The following ZFHX4 variants were observed in gnomAD, a reference collection of about 807,000 sequenced individuals.
ZFHX4 encodes zinc finger homeobox 4.
Under a neutral mutation model 267.6 loss-of-function variants are expected in ZFHX4, and 56 were observed. The ratio of observed to expected loss-of-function variants is 0.21; its 90% CI spans 0.17 to 0.26. The LOEUF is 0.26. ZFHX4 is among the 10% of genes least tolerant of loss of function. The probability of loss-of-function intolerance (pLI) is 1.00; values close to 1 mark genes in which losing one functional copy is unlikely to be tolerated. For missense variants in ZFHX4, 4,332 were observed against 4,420.0 expected (o/e 0.98, Z 0.56); for synonymous variants, 1,778 against 1,665.6 (o/e 1.07, Z -1.64).
Position 76,780,483 on chromosome 8 carries a change from C to T in ZFHX4, c.3325+2044C>T, listed in dbSNP as rs142175982. 5.2e-3 allele frequency among the ~76,000 whole-genome samples: 785 copies of T among 152,186 alleles called. 5 individuals carry two copies. Among genetic ancestry groups the T allele is most frequent in the African/African-American group, 0.014 (582 of 41,536 alleles). On this transcript the variant is annotated intron_variant, in intron 4 of 10. Transcript: ENST00000651372. ...AGGATGATGTTTTAATAACCTATGC[C>T]ATATCTTTTATAAGTCCCTTGCTAA... is the stretch of plus-strand genomic sequence containing the variant.
At chr8:76,835,227 A>ATATATATATGTATATATATGTG (rs1812045558) in intron 5 of ZFHX4, among the ~76,000 whole-genome samples, 1 of 59,086 alleles carries the variant, frequency 1.7e-5, no homozygotes, top group Non-Finnish European at 3.3e-5. Context: ...ATGTATATAT[A>ATATATATATGTATATATATGTG]TATATATATA....
intron 3 of ZFHX4, among the ~76,000 whole-genome samples, chr8:76,758,277 G>A (rs1809816373): frequency 6.6e-6 from 1 of 152,122 alleles, no homozygotes; most frequent in East Asian, 1.9e-4. Flanking sequence ...ACTTTCAATT[G>A]TAGCTCTGAA....
chr8:76,780,418 A>G (rs1461106395), intron 4 of ZFHX4, among the ~76,000 whole-genome samples: 2 of 152,186 alleles, frequency 1.3e-5, no homozygotes, highest in Admixed American at 6.5e-5. Flanking sequence ...AACTCATTTG[A>G]TAAACCAAAT....
At chr8:76,824,665 T>G (rs934413323) in intron 4 of ZFHX4, among the ~76,000 whole-genome samples, 3 of 152,152 alleles carry the variant, frequency 2.0e-5, no homozygotes, top group African/African-American at 7.2e-5. Context: ...CTCAAACTCC[T>G]GGGCTCAACC....
In ZFHX4 at chr8:76,704,962, T is replaced by G; in HGVS notation, c.874T>G (p.Ser292Ala). 1.2e-6 allele frequency: 2 copies of G among 1,614,028 alleles called. No individual in the cohort carries two copies. The highest frequency in any genetic ancestry group is 1.7e-6 in the Non-Finnish European group (2 of 1,179,894). The change falls in exon 2 of 11, where the codon TCA becomes GCA. Residue 292 changes from serine (S) to alanine (A), a missense_variant. Physicochemically the swap from Ser to Ala is moderately conservative, Grantham distance 99 (BLOSUM62 1). This residue lies in a region of ZFHX4 where 1,195 missense variants were observed against 1,173.6 expected (regional missense o/e 1.02). Transcript: ENST00000651372. ...CAAGTTGTCTTTTGGTTATATCAGG[T>G]CATTTGTAACCCATGCTGTGCATGA... Reference protein sequence around the residue: ...LCKLSFGYIRSFVTHAVHDHR... With the variant: ...LCKLSFGYIRAFVTHAVHDHR...
In ZFHX4 at chr8:76,863,173, C is replaced by T. The variant is rs980755706; in HGVS notation, c.9459C>T (p.Ala3153=). The change falls in exon 11 of 11, where the codon GCC becomes GCT. Residue 3153 remains alanine, a synonymous_variant. Coordinates refer to ENST00000651372, the MANE Select transcript of ZFHX4 (RefSeq NM_024721.5). ...TSSPALSLSS[A]PTKPLLQTPP... is the part of the protein sequence containing the mutation. ...CTCCTGCCCTGTCTCTCAGCAGTGC[C>T]CCCACCAAACCTTTGCTGCAGACTC... 1.9e-6 allele frequency: 3 copies of T among 1,555,690 alleles called. No homozygotes were observed. The African/African-American group carries it at 4.1e-5, about 21-fold the overall frequency.
At chr8:76,693,465 AACATC>A (rs1246002865) in intron 1 of ZFHX4, 3 of 152,160 alleles carry the variant, frequency 2.0e-5, no homozygotes, top group Non-Finnish European at 4.4e-5. Context: ...ATTCCTGGGA[AACATC>A]ACATAACTAC....
In ZFHX4 at chr8:76,851,453, A is replaced by G. The variant is rs770062381; in HGVS notation, c.4532A>G (p.Asp1511Gly). ...PVGSDSSSIP[D>G]DMGSEPKRTL... Reference sequence around the variant, plus strand: ...GGAAGTGATAGTAGCTCTATTCCAGATGACATGGGCTCTGAACCAAAGCGG... The same window carrying G: ...GGAAGTGATAGTAGCTCTATTCCAGGTGACATGGGCTCTGAACCAAAGCGG... The change falls in exon 10 of 11, where the codon GAT becomes GGT. Residue 1511 changes from aspartate (D) to glycine (G), a missense_variant. Around this residue, in one of 7 missense-constraint regions of ZFHX4, gnomAD observed 1,371 missense variants for 1,423.1 expected, o/e 0.96. Coordinates refer to ENST00000651372, the MANE Select transcript of ZFHX4 (RefSeq NM_024721.5). 2.5e-6 allele frequency: 4 copies of G among 1,613,770 alleles called. No individual in the cohort carries two copies. The highest frequency in any genetic ancestry group is 1.7e-5 in the Admixed American group (1 of 60,002).
intron 4 of ZFHX4, among the ~76,000 whole-genome samples, chr8:76,812,128 C>T (rs1181891094): frequency 6.6e-6 from 1 of 152,124 alleles, no homozygotes; most frequent in Admixed American, 6.5e-5. Flanking sequence ...AAGTAAAAAA[C>T]ATCTAGGGCA....
intron 4 of ZFHX4, among the ~76,000 whole-genome samples, chr8:76,829,961 AT>A (rs1296762308): frequency 6.6e-6 from 1 of 152,142 alleles, no homozygotes; most frequent in Non-Finnish European, 1.5e-5. Context: ...TAAATGCAGA[AT>A]CAAAAAAAGG....
At chr8:76,788,507 C>T (rs1212867945) in intron 4 of ZFHX4, among the ~76,000 whole-genome samples, 2 of 152,180 alleles carry the variant, frequency 1.3e-5, no homozygotes, top group African/African-American at 2.4e-5. Context: ...AAAAATATGT[C>T]TCCTGCTTCT....
chr8:76,855,782 C>T lies in ZFHX4; in HGVS notation c.8861C>T (p.Pro2954Leu). 2 of 1,613,938 alleles carry T rather than the reference C, an allele frequency of 1.2e-6. No individual in the cohort carries two copies. ...GCTTGCTTTAGTGACTACCGAACTC[C>T]AACCATGCAAGAATGTGAAATGTTA... ...LKACFSDYRT[P>L]TMQECEMLGN... The change falls in exon 10 of 11, where the codon CCA (proline) becomes CTA (leucine). Residue 2954 changes from proline (P) to leucine (L), a missense_variant. Physicochemically the swap from Pro to Leu is moderately conservative, Grantham distance 98 (BLOSUM62 -3). This residue lies in a region of ZFHX4 where 1,648 missense variants were observed against 1,625.0 expected (regional missense o/e 1.01). Transcript: ENST00000651372.
At chr8:76,801,511 A>G (rs575597041) in intron 4 of ZFHX4, among the ~76,000 whole-genome samples, 20 of 152,312 alleles carry the variant, frequency 1.3e-4, no homozygotes, top group Admixed American at 1.1e-3. Flanking sequence ...ATAAAGGCCT[A>G]TTGCAAGCAT....
intron 5 of ZFHX4, chr8:76,833,657 T>C (rs187312573): frequency 5.5e-4 from 214 of 387,864 alleles, no homozygotes; most frequent in Non-Finnish European, 9.5e-4. Context: ...CTGACACATG[T>C]ATAGCCTCCT....
chr8:76,747,887 G>A (rs1240276708), intron 3 of ZFHX4, among the ~76,000 whole-genome samples: 1 of 152,034 alleles, frequency 6.6e-6, no homozygotes, highest in African/African-American at 2.4e-5. Flanking sequence ...AGCCGAGATT[G>A]CGTCACTGCA....
At chr8:76,841,440 T>C (rs920247737) in intron 5 of ZFHX4, among the ~76,000 whole-genome samples, 7 of 152,108 alleles carry the variant, frequency 4.6e-5, no homozygotes, top group Non-Finnish European at 1.0e-4. Flanking sequence ...GCAATGAAAA[T>C]TTTATTCAGT....
intron 3 of ZFHX4, among the ~76,000 whole-genome samples, chr8:76,757,303 C>T (rs983550542): frequency 1.4e-4 from 22 of 152,052 alleles, no homozygotes; most frequent in East Asian, 1.9e-4. Context: ...CAGTGGCGCC[C>T]GAGAACAGAG....
chr8:76,864,169 G>T lies in ZFHX4; in HGVS notation c.10455G>T (p.Glu3485Asp). 1 of 1,613,888 alleles carries T rather than the reference G, an allele frequency of 6.2e-7. No homozygotes were observed. Among genetic ancestry groups the T allele is most frequent in the Non-Finnish European group, 8.5e-7 (1 of 1,179,834 alleles). ...TIKQAMRNAK[E>D]HVRLLPHSVC... ...AACAAGCAATGAGAAATGCCAAAGA[G>T]CATGTTAGATTATTACCTCACTCAG... The change falls in exon 11 of 11, where the codon GAG (glutamate) becomes GAT (aspartate). Residue 3485 changes from glutamate (E) to aspartate (D), a missense_variant. Physicochemically the swap from Glu to Asp is conservative, Grantham distance 45. This residue lies in a region of ZFHX4 where 1,648 missense variants were observed against 1,625.0 expected (regional missense o/e 1.01). Coordinates refer to ENST00000651372, the MANE Select transcript of ZFHX4 (RefSeq NM_024721.5).
At position 76,853,058 on chromosome 8, in the gene ZFHX4, CACCA is replaced by C; in HGVS notation, c.6138_6141del (p.Pro2047LeufsTer35). 1 of 1,132,072 alleles carries C rather than the reference CACCA, an allele frequency of 8.8e-7. No homozygotes were observed. Among genetic ancestry groups the C allele is most frequent in the Non-Finnish European group, 1.3e-6 (1 of 786,992 alleles). The allele number at this position is 1,132,072 out of a possible 1,614,324, so 70.1% of individuals were successfully genotyped here. The stretch of plus-strand genomic sequence containing the variant: ...CCACCACCCACTCCTCCCCCACCAC[CACCA>C]CCTCCTCCTCCTCCTCCTCCTCCCC... On this transcript the variant is annotated frameshift_variant, in exon 10 of 11. Coordinates refer to ENST00000651372, the MANE Select transcript of ZFHX4 (RefSeq NM_024721.5). LOFTEE classifies it high-confidence loss of function.
Sources: allele counts gnomAD v4.1 joint callset (sites outside exome capture counted in the v4.1 genomes callset), GRCh38; gene constraint gnomAD v4.1.1; regional missense constraint gnomAD v4.1.1; transcripts MANE v1.5; gene names NCBI Gene and HGNC (gene_info 2026-07-23, HGNC 2026-07-21).